The following PCDHGB4 variants were observed in gnomAD, a reference collection of about 807,000 sequenced individuals.
PCDHGB4 encodes protocadherin gamma subfamily B, 4.
A neutral mutation model predicts 60.5 loss-of-function variants in PCDHGB4; 38 were observed. The observed-to-expected ratio is 0.63, with a 90% CI of 0.48 to 0.82. PCDHGB4 has a LOEUF of 0.82. PCDHGB4 is among the 40% of genes least tolerant of loss of function. The pLI, the probability that PCDHGB4 is intolerant of heterozygous loss-of-function variation, is 0.00. For synonymous variants in PCDHGB4, 456 were observed against 509.7 expected, an observed-to-expected ratio of 0.89 and a Z score of 1.42; for missense variants, 1,109 against 1,209.6, an observed-to-expected ratio of 0.92 and a Z score of 1.23.
chr5:141,505,277 G>A, intron 2 of PCDHGB4, 116 bp from the exon 3 acceptor site: 1 of 1,539,958 alleles, frequency 6.5e-7, no homozygotes, highest in African/African-American at 1.4e-5. Context: ...AGAGAAACAG[G>A]TCTTGGGCAT....
chr5:141,468,230 TAGG>T (rs1451844939), intron 1 of PCDHGB4, among the ~76,000 whole-genome samples: 9 of 141,220 alleles, frequency 6.4e-5, no homozygotes, highest in South Asian at 2.2e-4. Context: ...GAGGATGAGG[TAGG>T]AGAATTGCCT....
chr5:141,487,596 A>T lies in PCDHGB4; in HGVS notation c.2398-7211A>T. The stretch of plus-strand genomic sequence containing the variant: ...GTTCGCCCAAGCTGCCCACCCTCTG[A>T]TCTTCTCTATGGGCTAGAGGTGAGA... On this transcript the variant is annotated intron_variant, in intron 1 of 3. Transcript: ENST00000519479. The surrounding 1 kb of genome is among the most constrained non-coding windows in gnomAD (Gnocchi z 5.0). The T allele has an allele frequency of 1.2e-6, 2 of 1,614,108 alleles. No individual in the cohort carries two copies. Among genetic ancestry groups the T allele is most frequent in the Non-Finnish European group, 8.5e-7 (1 of 1,180,024 alleles).
intron 1 of PCDHGB4, chr5:141,478,531 C>A (rs771145308): frequency 8.1e-6 from 13 of 1,608,072 alleles, no homozygotes; most frequent in Admixed American, 5.1e-5. Context: ...GTGCAGAGAG[C>A]GCCCCTCCCG....
chr5:141,485,661 G>A lies in PCDHGB4; in HGVS notation c.2398-9146G>A. On this transcript the variant is annotated intron_variant, in intron 1 of 3. Transcript: ENST00000519479. This position sits in a 1 kb window ranked among gnomAD's most constrained non-coding sequence, Gnocchi z 5.7. ...GAAAAGGCTCAGGATGCAGATGTGGGGAGCAATTCGATTAGCAGCTATAGG... is the reference window on the plus strand; with the variant it reads ...GAAAAGGCTCAGGATGCAGATGTGGAGAGCAATTCGATTAGCAGCTATAGG... 2 of 1,612,678 alleles carry A rather than the reference G, an allele frequency of 1.2e-6. No individual in the cohort carries two copies. Among genetic ancestry groups the A allele is most frequent in the Non-Finnish European group, 1.7e-6 (2 of 1,178,884 alleles).
intron 2 of PCDHGB4, among the ~76,000 whole-genome samples, chr5:141,502,186 CA>C (rs1470455379): frequency 1.3e-5 from 2 of 152,148 alleles, no homozygotes; most frequent in Non-Finnish European, 2.9e-5. Context: ...AACATTAATA[CA>C]ATAATATAGA....
intron 1 of PCDHGB4, among the ~76,000 whole-genome samples, chr5:141,456,877 C>T (rs910777736): frequency 2.0e-5 from 3 of 152,202 alleles, no homozygotes; most frequent in South Asian, 2.1e-4. Context: ...GCAGGAGAAT[C>T]GCTTGAACCC....
chr5:141,511,443 C>A lies in PCDHGB4; in HGVS notation c.*270C>A. On this transcript the variant is annotated 3_prime_UTR_variant, in exon 4 of 4. Coordinates refer to ENST00000519479, the MANE Select transcript of PCDHGB4 (RefSeq NM_003736.4). ...GGGGTAGTGGGGTTACTGTAGACAC[C>A]AAGAACCATTTGCCACACCCCGTTT... 1 of 670,886 alleles carries A rather than the reference C, an allele frequency of 1.5e-6. No homozygotes were observed. Among genetic ancestry groups the A allele is most frequent in the Non-Finnish European group, 2.4e-6 (1 of 421,442 alleles). 41.6% of individuals were successfully genotyped at this position (670,886 alleles called of 1,614,324 possible).
chr5:141,494,752 T>C (rs889400984), intron 1 of PCDHGB4, 55 bp from the exon 2 acceptor site: 18 of 1,612,206 alleles, frequency 1.1e-5, no homozygotes, highest in Non-Finnish European at 1.5e-5. Context: ...GGGGCTCGGG[T>C]GACATTCTAA....
At chr5:141,462,415 C>G (rs998182982) in intron 1 of PCDHGB4, among the ~76,000 whole-genome samples, 2 of 152,092 alleles carry the variant, frequency 1.3e-5, no homozygotes, top group Non-Finnish European at 2.9e-5. Context: ...AGAATATGGT[C>G]TATCTTGGTG....
intron 1 of PCDHGB4, among the ~76,000 whole-genome samples, chr5:141,475,035 G>T (rs983190948): frequency 2.0e-5 from 3 of 152,132 alleles, no homozygotes. Context: ...GTGACTAAAG[G>T]CTTTGTATTT....
chr5:141,398,753 G>A (rs141932976), intron 1 of PCDHGB4: 3 of 1,613,452 alleles, frequency 1.9e-6, no homozygotes, highest in East Asian at 2.2e-5. Flanking sequence ...AGTTACCATC[G>A]TTTAGTCCTG....
intron 1 of PCDHGB4, chr5:141,403,395 C>T (rs758295115): frequency 3.7e-6 from 6 of 1,614,084 alleles, no homozygotes; most frequent in Admixed American, 3.3e-5. Context: ...ATCGCGGTTC[C>T]TGGAGCACGT....
At chr5:141,420,551 ATTTTTACGGCATGGT>A (rs2096505176) in intron 1 of PCDHGB4, 3 of 266,550 alleles carry the variant, frequency 1.1e-5, no homozygotes, top group Admixed American at 5.1e-5. Context: ...ATACAGGTAT[ATTTTTACGGCATGGT>A]ATTTTAATTG....
intron 1 of PCDHGB4, chr5:141,399,873 C>T (rs1331485851): frequency 1.9e-6 from 3 of 1,612,836 alleles, no homozygotes; most frequent in Non-Finnish European, 2.5e-6. Context: ...AGCCCGGCTA[C>T]CTGGTGACCA....
chr5:141,489,732 C>CA lies in PCDHGB4; in HGVS notation c.2398-5073dup, dbSNP rs770971020. On this transcript the variant is annotated intron_variant, in intron 1 of 3. Transcript: ENST00000519479. This position sits in a 1 kb window ranked among gnomAD's most constrained non-coding sequence, Gnocchi z 4.5. ...GTGCCCAGGATCCGGATGTGGGCAC[C>CA]AATACTGTGAGCTTTTACACTCTAA... 4.3e-6 allele frequency: 7 copies of CA among 1,614,008 alleles called. No individual in the cohort carries two copies. Among genetic ancestry groups the CA allele is most frequent in the Non-Finnish European group, 5.9e-6 (7 of 1,180,002 alleles).
At chr5:141,409,617 C>A (rs2095293168) in intron 1 of PCDHGB4, 1 of 1,613,748 alleles carries the variant, frequency 6.2e-7, no homozygotes, top group South Asian at 1.1e-5. Context: ...GCCTCCATTG[C>A]GCAAGTGAGC....
intron 1 of PCDHGB4, chr5:141,395,380 T>C (rs1219736482): frequency 9.0e-7 from 1 of 1,112,054 alleles, no homozygotes; most frequent in African/African-American, 1.6e-5. Context: ...GTGGTGTTAC[T>C]ATAAAATTGA....
chr5:141,395,237 G>C (rs760516487), intron 1 of PCDHGB4: 2 of 1,590,946 alleles, frequency 1.3e-6, no homozygotes, highest in Non-Finnish European at 8.6e-7. Flanking sequence ...ATCATGGTCA[G>C]GTGAGTTTAG....
intron 1 of PCDHGB4, chr5:141,426,796 T>C (rs1053668481): frequency 8.8e-6 from 4 of 456,720 alleles, no homozygotes. Context: ...AGTTACCAGC[T>C]CAGTTCTAAT....
Sources: gnomAD v4.1 joint callset for allele counts (sites outside exome capture counted in the v4.1 genomes callset) on GRCh38, gnomAD v4.1.1 for gene constraint, Gnocchi (gnomAD v3.1) non-coding constraint, MANE v1.5 for transcripts, NCBI Gene and HGNC (gene_info 2026-07-23, HGNC 2026-07-21) for gene names.